MARCHF11: variants seen among roughly 807,000 people sequenced by gnomAD.
MARCHF11 encodes the protein E3 ubiquitin-protein ligase MARCHF11.
A neutral mutation model predicts 37.3 loss-of-function variants in MARCHF11; 29 were observed. The ratio of observed to expected loss-of-function variants is 0.78; its 90% CI spans 0.58 to 1.06. The LOEUF (loss-of-function observed/expected upper bound fraction) is 1.06. Ranked by LOEUF, MARCHF11 falls within the 50% of genes least tolerant of loss-of-function variation. MARCHF11 has a pLI of 0.00. For missense variants in MARCHF11, 482 were observed against 533.4 expected (o/e 0.90, Z 0.95); for synonymous variants, 233 against 228.0 (o/e 1.02, Z -0.20).
intron 2 of MARCHF11, among the ~76,000 whole-genome samples, chr5:16,155,185 A>C (rs533382840): frequency 6.6e-6 from 1 of 152,060 alleles, no homozygotes; most frequent in African/African-American, 2.4e-5. Context: ...CTATTAAGTG[A>C]AAGACACTAT....
At chr5:16,079,682 A>G (rs1352491842) in intron 3 of MARCHF11, among the ~76,000 whole-genome samples, 1 of 152,134 alleles carries the variant, frequency 6.6e-6, no homozygotes, top group Non-Finnish European at 1.5e-5. Flanking sequence ...TCAGCAGCTG[A>G]GCATCACATT....
intron 2 of MARCHF11, among the ~76,000 whole-genome samples, chr5:16,156,644 A>T (rs868300256): frequency 3.9e-5 from 6 of 152,018 alleles, no homozygotes; most frequent in Non-Finnish European, 5.9e-5. Context: ...ATATTTAATA[A>T]TAATATGGTC....
chr5:16,113,940 A>C (rs1433497304), intron 2 of MARCHF11, among the ~76,000 whole-genome samples: 4 of 151,932 alleles, frequency 2.6e-5, no homozygotes, highest in Non-Finnish European at 2.9e-5. Flanking sequence ...ACCTCTTTTC[A>C]ACTCCCTCCC....
At chr5:16,134,738 T>C (rs1737578575) in intron 2 of MARCHF11, among the ~76,000 whole-genome samples, 1 of 152,164 alleles carries the variant, frequency 6.6e-6, no homozygotes, top group Non-Finnish European at 1.5e-5. Flanking sequence ...AGAAAGTGAC[T>C]AAATAAGTTC....
intron 2 of MARCHF11, among the ~76,000 whole-genome samples, chr5:16,159,504 A>G (rs1041942239): frequency 2.6e-5 from 4 of 151,982 alleles, no homozygotes; most frequent in African/African-American, 4.8e-5. Context: ...ACCAAGAGCA[A>G]TTTTGGCCTC....
intron 2 of MARCHF11, among the ~76,000 whole-genome samples, chr5:16,143,387 TG>T (rs1358750374): frequency 6.6e-6 from 1 of 152,228 alleles, no homozygotes; most frequent in African/African-American, 2.4e-5. Flanking sequence ...TCTGGCCCGT[TG>T]GGCCAAGGCA....
intron 2 of MARCHF11, among the ~76,000 whole-genome samples, chr5:16,168,389 GTTGTAATC>G (rs1738205734): frequency 6.6e-6 from 1 of 152,064 alleles, no homozygotes; most frequent in African/African-American, 2.4e-5. Context: ...GGCACAGTTA[GTTGTAATC>G]TTGTTGGCTT....
intron 2 of MARCHF11, among the ~76,000 whole-genome samples, chr5:16,177,490 A>G (rs1472323561): frequency 2.0e-5 from 3 of 152,258 alleles, no homozygotes; most frequent in Non-Finnish European, 4.4e-5. Context: ...CATTTTATCA[A>G]TAAGTAAAAA....
At chr5:16,107,701 T>A (rs1431495579) in intron 2 of MARCHF11, among the ~76,000 whole-genome samples, 1 of 151,876 alleles carries the variant, frequency 6.6e-6, no homozygotes, top group Admixed American at 6.6e-5. Flanking sequence ...CGCCCCCCTA[T>A]CCTGTACCCA....
intron 2 of MARCHF11, among the ~76,000 whole-genome samples, chr5:16,093,370 CTAAT>C (rs1386605997): frequency 6.6e-6 from 1 of 152,182 alleles, no homozygotes; most frequent in Non-Finnish European, 1.5e-5. Flanking sequence ...ATTAGGCCTA[CTAAT>C]TAATTGATCC....
chr5:16,067,689 C>T lies in MARCHF11; in HGVS notation c.991G>A (p.Glu331Lys), dbSNP rs199643997. The change falls in exon 4 of 4, where the codon GAA becomes AAA. Residue 331 changes from glutamate to lysine, a missense_variant. Coordinates refer to ENST00000332432, the MANE Select transcript of MARCHF11 (RefSeq NM_001102562.3). ...GAAGACTCTCCCCGGCTGCTTTCTT[C>T]GATGTCTGTGGCTTTGTCATAATTT... is the stretch of plus-strand genomic sequence containing the variant. ...VLNYDKATDI[E>K]ESSRGESSTS... 652 of 1,613,824 alleles carry T rather than the reference C, an allele frequency of 4.0e-4. No individual in the cohort carries two copies. The highest frequency in any genetic ancestry group is 5.2e-4 in the Non-Finnish European group (610 of 1,179,874).
chr5:16,115,169 T>TAACTTAAATAACTTAA (rs1737209801), intron 2 of MARCHF11, among the ~76,000 whole-genome samples: 1 of 152,228 alleles, frequency 6.6e-6, no homozygotes, highest in Non-Finnish European at 1.5e-5. Flanking sequence ...TAACTTAAAA[T>TAACTTAAATAACTTAA]GAAGTATCGA....
chr5:16,114,820 C>T (rs776482552), intron 2 of MARCHF11, among the ~76,000 whole-genome samples: 73 of 152,008 alleles, frequency 4.8e-4, no homozygotes, highest in Admixed American at 2.0e-3. Context: ...CAAGAAGAAA[C>T]GGCTACCATA....
At chr5:16,081,871 G>A (rs561410803) in intron 3 of MARCHF11, among the ~76,000 whole-genome samples, 2 of 152,288 alleles carry the variant, frequency 1.3e-5, no homozygotes, top group African/African-American at 4.8e-5. Context: ...CTAGCCTTGA[G>A]AGGCCATTCC....
At chr5:16,134,665 C>T (rs1368868984) in intron 2 of MARCHF11, among the ~76,000 whole-genome samples, 1 of 151,930 alleles carries the variant, frequency 6.6e-6, no homozygotes, top group Non-Finnish European at 1.5e-5. Context: ...CTTCTCAAAC[C>T]CTATCTTAAT....
intron 2 of MARCHF11, among the ~76,000 whole-genome samples, chr5:16,176,963 T>A (rs1268130629): frequency 1.3e-5 from 2 of 152,232 alleles, no homozygotes; most frequent in Non-Finnish European, 2.9e-5. Context: ...TAAGATGTCA[T>A]TCTTAATATT....
intron 3 of MARCHF11, among the ~76,000 whole-genome samples, chr5:16,079,706 C>T (rs974363797): frequency 4.6e-5 from 7 of 152,260 alleles, no homozygotes; most frequent in Admixed American, 2.0e-4. Flanking sequence ...TGCTCTCCTC[C>T]GAGTCTTTTC....
intron 2 of MARCHF11, among the ~76,000 whole-genome samples, chr5:16,139,699 T>C (rs1389482699): frequency 6.6e-6 from 1 of 152,134 alleles, no homozygotes; most frequent in Middle Eastern, 3.2e-3. Flanking sequence ...ACTATAAATA[T>C]GGTATCAATA....
chr5:16,156,563 CCTCA>C (rs1737980272), intron 2 of MARCHF11, among the ~76,000 whole-genome samples: 2 of 151,812 alleles, frequency 1.3e-5, no homozygotes, highest in Admixed American at 1.3e-4. Flanking sequence ...GCATGTCTTT[CCTCA>C]CTCTCAATGA....
Sources: gnomAD v4.1 joint callset for allele counts (sites outside exome capture counted in the v4.1 genomes callset) on GRCh38, gnomAD v4.1.1 for gene constraint, MANE v1.5 for transcripts, NCBI Gene and HGNC (gene_info 2026-07-23, HGNC 2026-07-21) for gene names.